Variants in KIFAP3 observed in about 807,000 individuals in gnomAD.
The protein encoded by KIFAP3 is kinesin associated protein 3.
Under a neutral mutation model 106.5 loss-of-function variants are expected in KIFAP3, and 68 were observed. That is an observed-to-expected ratio of 0.64 (90% CI 0.53 to 0.78). KIFAP3 has a LOEUF of 0.78. KIFAP3 is among the 30% of genes least tolerant of loss of function. The pLI is 0.00. For synonymous variants in KIFAP3, 320 were observed against 311.5 expected, an observed-to-expected ratio of 1.03 and a Z score of -0.29; for missense variants, 780 against 941.8, an observed-to-expected ratio of 0.83 and a Z score of 2.25.
intron 15 of KIFAP3, among the ~76,000 whole-genome samples, chr1:169,981,184 C>T (rs1047459794): frequency 2.6e-5 from 4 of 152,102 alleles, no homozygotes; most frequent in African/African-American, 9.7e-5. Context: ...GTTTTTCTTT[C>T]CATGGTTTTA....
At chr1:170,070,105 A>G (rs1671633520) in intron 1 of KIFAP3, among the ~76,000 whole-genome samples, 1 of 152,122 alleles carries the variant, frequency 6.6e-6, no homozygotes, top group Non-Finnish European at 1.5e-5. Context: ...GAGTAAACGT[A>G]ACCAAGGAAC....
chr1:170,011,657 G>T (rs529428010), intron 10 of KIFAP3, among the ~76,000 whole-genome samples: 6 of 151,836 alleles, frequency 4.0e-5, no homozygotes, highest in Admixed American at 1.3e-4. Context: ...TCTTACTACG[G>T]ATTGAGGTAA....
At chr1:170,074,936 C>T (rs1338257822), upstream of KIFAP3, among the ~76,000 whole-genome samples, 1 of 152,144 alleles carries the variant, frequency 6.6e-6, no homozygotes, top group Non-Finnish European at 1.5e-5. Flanking sequence ...TTTTAGTTAG[C>T]GAATGCTATA....
Position 169,995,532 on chromosome 1 carries a change from T to C in KIFAP3, c.1184-3277A>G, listed in dbSNP as rs114821986. 3.4e-3 allele frequency among the ~76,000 whole-genome samples: 523 copies of C among 152,176 alleles called. 4 individuals are homozygous for C. The highest frequency in any genetic ancestry group is 0.012 in the African/African-American group (490 of 41,556). The stretch of plus-strand genomic sequence containing the variant: ...GTAATGGATTCACTGAAAAGTAGGA[T>C]TCCAAGTAATACAACTTATTAAATG... On this transcript the variant is annotated intron_variant, in intron 10 of 19. Transcript: ENST00000361580.
At chr1:170,039,502 T>C (rs1405876522) in intron 3 of KIFAP3, among the ~76,000 whole-genome samples, 1 of 152,184 alleles carries the variant, frequency 6.6e-6, no homozygotes, top group Non-Finnish European at 1.5e-5. Context: ...ATAAAATCTA[T>C]AACTAATCAC....
intron 18 of KIFAP3, among the ~76,000 whole-genome samples, chr1:169,956,420 A>G (rs1430125269): frequency 6.6e-6 from 1 of 152,150 alleles, no homozygotes; most frequent in African/African-American, 2.4e-5. Flanking sequence ...CAAAGGGAAC[A>G]ATGAGTAGCA....
At chr1:170,034,663 ATTACT>A (rs1669586548) in intron 6 of KIFAP3, among the ~76,000 whole-genome samples, 167 bp from the exon 7 acceptor site, 2 of 152,026 alleles carry the variant, frequency 1.3e-5, no homozygotes, top group African/African-American at 2.4e-5. Context: ...CGATTATAAA[ATTACT>A]TTAAATATAT....
At chr1:169,964,002 C>A (rs1442640785) in intron 17 of KIFAP3, among the ~76,000 whole-genome samples, 1 of 151,852 alleles carries the variant, frequency 6.6e-6, no homozygotes, top group African/African-American at 2.4e-5. Flanking sequence ...AAGATCTTTA[C>A]GTCAGTTAAA....
intron 8 of KIFAP3, among the ~76,000 whole-genome samples, chr1:170,026,916 T>C (rs550295118): frequency 1.1e-3 from 168 of 152,278 alleles, no homozygotes; most frequent in African/African-American, 3.9e-3. Flanking sequence ...GATCAAACTG[T>C]TTCCAAGTAA....
chr1:169,932,528 T>C (rs1363057993), intron 19 of KIFAP3, among the ~76,000 whole-genome samples: 1 of 152,100 alleles, frequency 6.6e-6, no homozygotes, highest in Non-Finnish European at 1.5e-5. Flanking sequence ...CTACACAAAA[T>C]GGGCTATATC....
chr1:170,082,338 C>T (rs1342864929), intron 1 of KIFAP3, among the ~76,000 whole-genome samples: 1 of 152,012 alleles, frequency 6.6e-6, no homozygotes, highest in Non-Finnish European at 1.5e-5. Context: ...GGTTTGATTC[C>T]ATTTATAAGA....
At chr1:169,999,380 T>TA (rs1247224254) in intron 10 of KIFAP3, among the ~76,000 whole-genome samples, 1 of 152,140 alleles carries the variant, frequency 6.6e-6, no homozygotes, top group Non-Finnish European at 1.5e-5. Context: ...CTTTAAGACA[T>TA]AAAGACATCA....
chr1:170,010,747 G>GA (rs1668202341), intron 10 of KIFAP3, among the ~76,000 whole-genome samples: 1 of 151,900 alleles, frequency 6.6e-6, no homozygotes, highest in Non-Finnish European at 1.5e-5. Context: ...GTACTCTAGT[G>GA]AAAATAATCT....
chr1:170,015,796 G>T (rs778631585), intron 10 of KIFAP3, among the ~76,000 whole-genome samples: 3 of 152,186 alleles, frequency 2.0e-5, no homozygotes, highest in Non-Finnish European at 4.4e-5. Flanking sequence ...GCCCTACTAA[G>T]AAAGTTAGCA....
intron 10 of KIFAP3, among the ~76,000 whole-genome samples, chr1:169,993,300 C>A (rs1016036935): frequency 2.0e-5 from 3 of 150,794 alleles, no homozygotes; most frequent in East Asian, 4.0e-4. Flanking sequence ...TTAGTAGAGA[C>A]AGGGTTTCAC....
chr1:169,988,343 T>A (rs796780739), intron 11 of KIFAP3, among the ~76,000 whole-genome samples: 5 of 152,168 alleles, frequency 3.3e-5, no homozygotes, highest in African/African-American at 9.6e-5. Context: ...CTTTAATATA[T>A]GTAATTAATG....
rs1571710576 is a variant in KIFAP3, at chr1:170,038,038, C to G, written c.517+252G>C. Among the ~76,000 whole-genome samples, 3 of 152,036 alleles carry G rather than the reference C, an allele frequency of 2.0e-5. No individual in the cohort carries two copies. In the East Asian group the frequency reaches 5.8e-4, roughly 29 times the overall value. ...AATGTCTAAAGTTTGATCTTATATC[C>G]TACTTGAAACAATAAAAAAGCTTCC... On this transcript the variant is annotated intron_variant, in intron 5 of 19. Coordinates refer to ENST00000361580, the MANE Select transcript of KIFAP3 (RefSeq NM_014970.4).
chr1:170,005,299 T>C (rs1285653408), intron 10 of KIFAP3, among the ~76,000 whole-genome samples: 1 of 152,216 alleles, frequency 6.6e-6, no homozygotes, highest in Non-Finnish European at 1.5e-5. Context: ...GACAGTCTGG[T>C]GATTCCTCAG....
At chr1:169,967,969 T>C (rs938923438) in intron 17 of KIFAP3, among the ~76,000 whole-genome samples, 5 of 151,886 alleles carry the variant, frequency 3.3e-5, no homozygotes, top group East Asian at 1.9e-4. Context: ...CTAAGGTATG[T>C]CATCAAAACC....
Sources: allele counts gnomAD v4.1 joint callset (sites outside exome capture counted in the v4.1 genomes callset), GRCh38; gene constraint gnomAD v4.1.1; transcripts MANE v1.5; gene names NCBI Gene and HGNC (gene_info 2026-07-23, HGNC 2026-07-21).